Variants in SLC18A2 observed in about 807,000 individuals in gnomAD.
SLC18A2 encodes solute carrier family 18 member A2.
SLC18A2 carries 33 observed loss-of-function variants against 59.2 expected under a neutral mutation model. The observed-to-expected ratio is 0.56, with a 90% CI of 0.42 to 0.75. The LOEUF (loss-of-function observed/expected upper bound fraction) is 0.75, where lower values mean the gene tolerates loss of function less well. Ranked by LOEUF, SLC18A2 falls within the 30% of genes least tolerant of loss-of-function variation. The probability of loss-of-function intolerance (pLI) is 0.00; values close to 1 mark genes in which losing one functional copy is unlikely to be tolerated. For synonymous variants in SLC18A2, 228 were observed against 253.5 expected (o/e 0.90, Z 0.95); for missense variants, 569 against 668.6 (o/e 0.85, Z 1.64).
intron 3 of SLC18A2, among the ~76,000 whole-genome samples, chr10:117,247,319 C>T (rs1455900038): frequency 6.6e-6 from 1 of 152,200 alleles, no homozygotes; most frequent in Non-Finnish European, 1.5e-5. Context: ...AGCATCAGAG[C>T]TTGCAGAGAC....
chr10:117,241,954 C>A, intron 2 of SLC18A2, 140 bp downstream of exon 2: 1 of 852,522 alleles, frequency 1.2e-6, no homozygotes, highest in Non-Finnish European at 1.7e-6. Context: ...AAAAGACATC[C>A]CCTCCAGGCT....
intron 3 of SLC18A2, among the ~76,000 whole-genome samples, chr10:117,252,723 G>A (rs1279534622): frequency 1.3e-5 from 2 of 152,092 alleles, no homozygotes; most frequent in African/African-American, 2.4e-5. Context: ...GGTGGGCGGT[G>A]GTCTCTCCGA....
chr10:117,268,742 G>C (rs1844379302), intron 13 of SLC18A2: 1 of 152,230 alleles, frequency 6.6e-6, no homozygotes, highest in African/African-American at 2.4e-5. Flanking sequence ...AGAATAATAG[G>C]GGGGACCAGA....
intron 10 of SLC18A2, among the ~76,000 whole-genome samples, chr10:117,261,646 C>T (rs1844295631): frequency 1.3e-5 from 2 of 152,298 alleles, no homozygotes; most frequent in South Asian, 4.1e-4. Context: ...TAGACTTTCC[C>T]TGTTCTGCCT....
In SLC18A2 at chr10:117,244,236, G is replaced by A; in HGVS notation, c.387G>A (p.Val129=). Reference sequence around the variant, plus strand: ...ACAAAGACCTCCTGAATGAAAACGTGCAAGTTGGTCTGTTGTTTGCCTCGA... The same window carrying A: ...ACAAAGACCTCCTGAATGAAAACGTACAAGTTGGTCTGTTGTTTGCCTCGA... ...SEDKDLLNEN[V]QVGLLFASKA... is the part of the protein sequence containing the mutation. Residue 129 remains valine (V), a synonymous_variant, in exon 3 of 16, where the codon GTG becomes GTA. Coordinates refer to ENST00000644641, the MANE Select transcript of SLC18A2 (RefSeq NM_003054.6). The A allele has an allele frequency of 1.2e-6, 2 of 1,614,226 alleles. No individual in the cohort carries two copies. The highest frequency in any genetic ancestry group is 1.7e-6 in the Non-Finnish European group (2 of 1,180,050).
rs936788937 is a variant in SLC18A2 at position 117,269,300 on chromosome 10, T to C, written c.1187-771T>C. On this transcript the variant is annotated intron_variant, in intron 13 of 15. Coordinates refer to ENST00000644641, the MANE Select transcript of SLC18A2 (RefSeq NM_003054.6). The surrounding 1 kb of genome is among the most constrained non-coding windows in gnomAD (Gnocchi z 5.1). ...ACACATGTACACACATATATACACA[T>C]ACATACACAGATACATATATACATA... Among the ~76,000 whole-genome samples, 4 of 150,024 alleles carry C rather than the reference T, an allele frequency of 2.7e-5. No homozygotes were observed. The highest frequency in any genetic ancestry group is 4.4e-5 in the Non-Finnish European group (3 of 67,732).
chr10:117,246,278 G>C (rs1429024051), intron 3 of SLC18A2, among the ~76,000 whole-genome samples: 1 of 152,156 alleles, frequency 6.6e-6, no homozygotes, highest in Non-Finnish European at 1.5e-5. Context: ...TTAGAAATTC[G>C]GCTGAAATGA....
rs1452349388 is a variant in SLC18A2 at position 117,254,483 on chromosome 10, C to T, written c.686C>T (p.Ala229Val). The change falls in exon 6 of 16, where the codon GCC (alanine) becomes GTC (valine). Residue 229 changes from alanine (A) to valine (V), a missense_variant. Physicochemically the swap from Ala to Val is moderately conservative, Grantham distance 64 (BLOSUM62 0). This residue lies in a region of SLC18A2 where 377 missense variants were observed against 389.8 expected (regional missense o/e 0.97). Transcript: ENST00000644641. ...ATGGGAATCGCCTTGGGAGGCCTGG[C>T]CATGGGGGTCTTAGGTGGGTAAGGC... ...NVMGIALGGLAMGVLVGPPFG... is the reference protein window; with the variant it reads ...NVMGIALGGLVMGVLVGPPFG... The T allele has an allele frequency of 1.2e-6, 2 of 1,606,726 alleles. No individual in the cohort carries two copies. The highest frequency in any genetic ancestry group is 1.3e-5 in the African/African-American group (1 of 74,738).
In SLC18A2 at chr10:117,270,452, G is replaced by C. The variant is rs762552780; in HGVS notation, c.1429G>C (p.Glu477Gln). The change falls in exon 15 of 16, where the codon GAA becomes CAA. Residue 477 changes from glutamate to glutamine, a missense_variant. Physicochemically the swap from Glu to Gln is conservative, Grantham distance 29. Around this residue, in one of 2 missense-constraint regions of SLC18A2, gnomAD observed 192 missense variants for 278.8 expected, o/e 0.69. Transcript: ENST00000644641. ...TTTTCTTCGAAGTCCACCTGCCAAA[G>C]AAGAAAAAATGGTAAGAAAAATTTA... Reference protein sequence around the residue: ...CFFLRSPPAKEEKMAILMDHN... With the variant: ...CFFLRSPPAKQEKMAILMDHN... 2 of 1,612,408 alleles carry C rather than the reference G, an allele frequency of 1.2e-6. No individual in the cohort carries two copies. Among genetic ancestry groups the C allele is most frequent in the East Asian group, 4.5e-5 (2 of 44,864 alleles).
Position 117,255,601 on chromosome 10 carries a change from A to G in SLC18A2, c.839A>G (p.Gln280Arg), listed in dbSNP as rs780350319. The G allele has an allele frequency of 1.9e-6, 3 of 1,613,976 alleles. No homozygotes were observed. The highest frequency in any genetic ancestry group is 2.2e-5 in the East Asian group (1 of 44,890). The change falls in exon 9 of 16, where the codon CAG (glutamine) becomes CGG (arginine). Residue 280 changes from glutamine (Q) to arginine (R), a missense_variant. Transcript: ENST00000644641. ...CCCGTGTTTTTTTCTTGACAGAGTC[A>G]GAAGGGGACACCCCTAACCACGCTG... ...LQPSRVQPESQKGTPLTTLLK... is the reference protein window; with the variant it reads ...LQPSRVQPESRKGTPLTTLLK...
At chr10:117,266,377 G>A (rs1035921269) in intron 10 of SLC18A2, among the ~76,000 whole-genome samples, 7 of 152,084 alleles carry the variant, frequency 4.6e-5, no homozygotes, top group South Asian at 4.1e-4. Context: ...CAATGACTGC[G>A]TCTTACTTCT....
Position 117,266,813 on chromosome 10 carries a change from T to C in SLC18A2, c.1070+2T>C, listed in dbSNP as rs1363267368. 1 of 1,611,144 alleles carries C rather than the reference T, an allele frequency of 6.2e-7. No individual in the cohort carries two copies. The highest frequency in any genetic ancestry group is 1.7e-5 in the Admixed American group (1 of 59,986). On this transcript the variant is annotated splice_donor_variant, in intron 11 of 15. Coordinates refer to ENST00000644641, the MANE Select transcript of SLC18A2 (RefSeq NM_003054.6). LOFTEE classifies it high-confidence loss of function. The stretch of plus-strand genomic sequence containing the variant: ...GATACTTGCACACAAAATGGGGAGG[T>C]AAGATGATATGAAAACAACACTCAT...
In SLC18A2 at chr10:117,241,778, G is replaced by A. The variant is rs917725356; in HGVS notation, c.85G>A (p.Ala29Thr). 1.2e-6 allele frequency: 2 copies of A among 1,611,104 alleles called. No homozygotes were observed. Among genetic ancestry groups the A allele is most frequent in the Non-Finnish European group, 8.5e-7 (1 of 1,179,090 alleles). The part of the protein sequence containing the change: ...RKLILFIVFL[A>T]LLLDNMLLTV... ...GCTCATCCTGTTCATCGTGTTCCTGGCGCTGCTGCTGGACAACATGCTGCT... is the reference window on the plus strand; with the variant it reads ...GCTCATCCTGTTCATCGTGTTCCTGACGCTGCTGCTGGACAACATGCTGCT... Residue 29 changes from alanine (A) to threonine (T), a missense_variant, in exon 2 of 16, where the codon GCG (alanine) becomes ACG (threonine). Around this residue, in one of 2 missense-constraint regions of SLC18A2, gnomAD observed 377 missense variants for 389.8 expected, o/e 0.97. Transcript: ENST00000644641.
chr10:117,244,883 G>A (rs536713855), intron 3 of SLC18A2, among the ~76,000 whole-genome samples: 14 of 152,352 alleles, frequency 9.2e-5, no homozygotes, highest in African/African-American at 3.1e-4. Context: ...TGCTGGCTAC[G>A]TAGCCACGTC....
At chr10:117,250,035 C>A (rs1844144746) in intron 3 of SLC18A2, among the ~76,000 whole-genome samples, 2 of 152,182 alleles carry the variant, frequency 1.3e-5, no homozygotes, top group Non-Finnish European at 2.9e-5. Flanking sequence ...TTAGGAGATA[C>A]TGTGGGGAAG....
At chr10:117,266,228 A>G (rs1441285004) in intron 10 of SLC18A2, among the ~76,000 whole-genome samples, 1 of 152,154 alleles carries the variant, frequency 6.6e-6, no homozygotes, top group African/African-American at 2.4e-5. Flanking sequence ...TTTGTAAATC[A>G]AAACACACAT....
intron 10 of SLC18A2, among the ~76,000 whole-genome samples, chr10:117,265,003 A>C (rs543884553): frequency 1.3e-5 from 2 of 152,326 alleles, no homozygotes; most frequent in South Asian, 4.1e-4. Context: ...TCAGGACAAG[A>C]ATCACGTTGT....
intron 10 of SLC18A2, among the ~76,000 whole-genome samples, chr10:117,260,328 C>A (rs756475558): frequency 2.6e-5 from 4 of 152,238 alleles, no homozygotes; most frequent in Non-Finnish European, 5.9e-5. Flanking sequence ...TCACAGTACC[C>A]GAAGCTTCAG....
rs111720810 is a variant in SLC18A2 at position 117,264,822 on chromosome 10, A to C, written c.992-1911A>C. 3.6e-3 allele frequency among the ~76,000 whole-genome samples: 544 copies of C among 152,318 alleles called. 3 individuals carry two copies. The highest frequency in any genetic ancestry group is 0.012 in the African/African-American group (514 of 41,564). On this transcript the variant is annotated intron_variant, in intron 10 of 15. Coordinates refer to ENST00000644641, the MANE Select transcript of SLC18A2 (RefSeq NM_003054.6). ...CTAACAGTCCCTAGAGCTGGTAGGAAGTCCTACGACACAGCTTTTGAGGCC... is the reference window on the plus strand; with the variant it reads ...CTAACAGTCCCTAGAGCTGGTAGGACGTCCTACGACACAGCTTTTGAGGCC...
Sources: gnomAD v4.1 joint callset for allele counts (sites outside exome capture counted in the v4.1 genomes callset) on GRCh38, gnomAD v4.1.1 for gene constraint, gnomAD v4.1.1 regional missense constraint, Gnocchi (gnomAD v3.1) non-coding constraint, MANE v1.5 for transcripts, NCBI Gene and HGNC (gene_info 2026-07-23, HGNC 2026-07-21) for gene names.